Variants in SV2B observed in about 807,000 individuals in gnomAD.
SV2B encodes synaptic vesicle glycoprotein 2B.
SV2B carries 41 observed loss-of-function variants against 73.9 expected under a neutral mutation model. The observed-to-expected ratio is 0.56, with a 90% CI of 0.43 to 0.72. SV2B has a LOEUF of 0.72. Among genes scored for constraint, SV2B ranks in the 30% least tolerant of loss-of-function variants. The probability of loss-of-function intolerance (pLI) is 0.00; values close to 1 mark genes in which losing one functional copy is unlikely to be tolerated. For missense variants in SV2B, 764 were observed against 857.8 expected (o/e 0.89, Z 1.37); for synonymous variants, 314 against 314.2 (o/e 1.00, Z 0.01).
intron 2 of SV2B, among the ~76,000 whole-genome samples, chr15:91,249,774 T>C (rs2047409564): frequency 6.6e-6 from 1 of 152,178 alleles, no homozygotes. Flanking sequence ...AAGAAATGCA[T>C]ACATTCCTAG....
Position 91,123,154 on chromosome 15 carries a change from G to T in SV2B, c.-392+22791G>T, listed in dbSNP as rs959827670. ...CTAAGCATGGTGGTGTGCGCTTGTA[G>T]TCTCAGCTACCTGGGAGGCTGAGGT... On this transcript the variant is annotated intron_variant, in intron 1 of 12. Transcript: ENST00000394232. This position sits in a 1 kb window ranked among gnomAD's most constrained non-coding sequence, Gnocchi z 4.7. Among the ~76,000 whole-genome samples, 2 of 151,870 alleles carry T rather than the reference G, an allele frequency of 1.3e-5. No homozygotes were observed. The highest frequency in any genetic ancestry group is 2.9e-5 in the Non-Finnish European group (2 of 67,978).
At chr15:91,192,524 A>G (rs1057286544) in intron 1 of SV2B, among the ~76,000 whole-genome samples, 2 of 152,214 alleles carry the variant, frequency 1.3e-5, no homozygotes, top group South Asian at 2.1e-4. Flanking sequence ...TGGGTTTCAC[A>G]AGGGATGTGA....
intron 2 of SV2B, among the ~76,000 whole-genome samples, chr15:91,250,018 T>G (rs1385894347): frequency 1.3e-5 from 2 of 152,124 alleles, no homozygotes. Context: ...ATTTTACAAA[T>G]CCAGCATTAC....
In SV2B at chr15:91,286,057, T is replaced by C. The variant is rs541947362; in HGVS notation, c.1708+1836T>C. ...AGAACTAATATTTAATCATTCCTTA[T>C]AGCCTACTCTCTTGTGAATGTCTCT... is the stretch of plus-strand genomic sequence containing the variant. On this transcript the variant is annotated intron_variant, in intron 11 of 12. Coordinates refer to ENST00000394232, the MANE Select transcript of SV2B (RefSeq NM_001323032.3). Among the ~76,000 whole-genome samples, 4 of 152,384 alleles carry C rather than the reference T, an allele frequency of 2.6e-5. No homozygotes were observed. In the South Asian group the frequency reaches 8.3e-4, roughly 32 times the overall value.
intron 9 of SV2B, among the ~76,000 whole-genome samples, chr15:91,271,686 C>CT (rs1223010274): frequency 2.0e-5 from 3 of 152,162 alleles, no homozygotes; most frequent in African/African-American, 7.2e-5. Flanking sequence ...TTCTCCTTGA[C>CT]TGGTTAGGAA....
At chr15:91,228,581 G>A (rs566333042) in intron 2 of SV2B, among the ~76,000 whole-genome samples, 27 of 152,308 alleles carry the variant, frequency 1.8e-4, no homozygotes, top group African/African-American at 4.8e-4. Context: ...CTCTGGCACC[G>A]TGGTGCCTGG....
chr15:91,149,271 G>A (rs1325975511), intron 1 of SV2B, among the ~76,000 whole-genome samples: 1 of 152,212 alleles, frequency 6.6e-6, no homozygotes, highest in Non-Finnish European at 1.5e-5. Context: ...AAGTCTGAAG[G>A]TTGCTCTTTA....
intron 2 of SV2B, among the ~76,000 whole-genome samples, chr15:91,248,856 G>GA (rs1359362331): frequency 2.5e-4 from 38 of 152,166 alleles, no homozygotes; most frequent in African/African-American, 8.4e-4. Flanking sequence ...TGAAGTAAAA[G>GA]AAAAAATAGA....
intron 1 of SV2B, among the ~76,000 whole-genome samples, chr15:91,113,660 A>G (rs1018848212): frequency 5.9e-5 from 9 of 152,232 alleles, no homozygotes; most frequent in Admixed American, 6.5e-5. Flanking sequence ...CTGAAGTTCA[A>G]TATTTTCCCT....
At chr15:91,146,158 T>A (rs1254033652) in intron 1 of SV2B, among the ~76,000 whole-genome samples, 1 of 152,240 alleles carries the variant, frequency 6.6e-6, no homozygotes, top group Non-Finnish European at 1.5e-5. Flanking sequence ...TTAATTTTTG[T>A]ATATGGTGTA....
At position 91,164,877 on chromosome 15, in the gene SV2B, C is replaced by T. The variant is rs768372121; in HGVS notation, c.-391-60996C>T. ...GCACGCTGTTAAAAGTGGTTATTTC[C>T]GTGATTGGGATTGGATAGGACAGAG... On this transcript the variant is annotated intron_variant, in intron 1 of 12. Coordinates refer to ENST00000394232, the MANE Select transcript of SV2B (RefSeq NM_001323032.3). 9.7e-4 allele frequency among the ~76,000 whole-genome samples: 147 copies of T among 152,166 alleles called. 1 individual carries two copies. Among genetic ancestry groups the T allele is most frequent in the Admixed American group, 1.8e-3 (28 of 15,274 alleles).
intron 1 of SV2B, among the ~76,000 whole-genome samples, chr15:91,188,913 G>A (rs867657299): frequency 2.4e-4 from 36 of 151,876 alleles, no homozygotes; most frequent in South Asian, 4.2e-4. Flanking sequence ...TGCAACCTCC[G>A]CCTCCCAGGT....
chr15:91,236,682 C>T lies in SV2B; in HGVS notation c.451+9968C>T, dbSNP rs140382253. 4.1e-4 allele frequency among the ~76,000 whole-genome samples: 63 copies of T among 152,194 alleles called. No homozygotes were observed. Among genetic ancestry groups the T allele is most frequent in the Middle Eastern group, 6.8e-3 (2 of 294 alleles). On this transcript the variant is annotated intron_variant, in intron 2 of 12. Transcript: ENST00000394232. The surrounding 1 kb of genome is among the most constrained non-coding windows in gnomAD (Gnocchi z 4.1). The stretch of plus-strand genomic sequence containing the variant: ...CAAACAAGCAAGCAAACATATACTC[C>T]CCGTAGAACCAAAACCTCCATGCCA...
intron 1 of SV2B, among the ~76,000 whole-genome samples, chr15:91,102,868 C>T (rs1182654604): frequency 6.6e-6 from 1 of 152,064 alleles, no homozygotes; most frequent in Non-Finnish European, 1.5e-5. Context: ...TTTTACCAGA[C>T]ATCTGGGGAA....
chr15:91,160,918 C>T (rs1211340908), intron 1 of SV2B, among the ~76,000 whole-genome samples: 1 of 152,154 alleles, frequency 6.6e-6, no homozygotes, highest in Non-Finnish European at 1.5e-5. Flanking sequence ...AAATGACTGT[C>T]AGCTGGTGAG....
chr15:91,168,130 A>C lies in SV2B; in HGVS notation c.-391-57743A>C, dbSNP rs773796203. 2.6e-5 allele frequency among the ~76,000 whole-genome samples: 4 copies of C among 152,100 alleles called. No homozygotes were observed. In the East Asian group the frequency reaches 5.8e-4, roughly 22 times the overall value. ...GGGCATGAACTAGGATTTCATACCTAGATTTAGAAGGTAGTTTTTGCCACG... is the reference window on the plus strand; with the variant it reads ...GGGCATGAACTAGGATTTCATACCTCGATTTAGAAGGTAGTTTTTGCCACG... On this transcript the variant is annotated intron_variant, in intron 1 of 12. Transcript: ENST00000394232.
At chr15:91,164,798 G>A (rs1264386733) in intron 1 of SV2B, among the ~76,000 whole-genome samples, 1 of 152,158 alleles carries the variant, frequency 6.6e-6, no homozygotes, top group African/African-American at 2.4e-5. Flanking sequence ...TAGATATGCT[G>A]ACATTAATAT....
intron 1 of SV2B, among the ~76,000 whole-genome samples, chr15:91,213,966 T>C (rs1347815323): frequency 6.6e-6 from 1 of 152,232 alleles, no homozygotes; most frequent in Non-Finnish European, 1.5e-5. Context: ...GAAAATGGAA[T>C]CACCATTTCT....
At chr15:91,266,780 C>A in intron 7 of SV2B, 88 bp downstream of exon 7, 2 of 1,125,250 alleles carry the variant, frequency 1.8e-6, no homozygotes, top group Admixed American at 2.4e-5. Context: ...CCTGAACATC[C>A]CCACCAACCT....
Sources: allele counts gnomAD v4.1 joint callset (sites outside exome capture counted in the v4.1 genomes callset), GRCh38; gene constraint gnomAD v4.1.1; non-coding constraint Gnocchi (gnomAD v3.1); transcripts MANE v1.5; gene names NCBI Gene and HGNC (gene_info 2026-07-23, HGNC 2026-07-21).